The following UNC79 variants were observed in gnomAD, a reference collection of about 807,000 sequenced individuals.
UNC79 encodes the protein unc-79 subunit of NALCN channel complex.
UNC79 carries 37 observed loss-of-function variants against 283.1 expected under a neutral mutation model. The ratio of observed to expected loss-of-function variants is 0.13; its 90% CI spans 0.10 to 0.17. The LOEUF (loss-of-function observed/expected upper bound fraction) is 0.17. UNC79 is among the 10% of genes least tolerant of loss of function. The probability of loss-of-function intolerance (pLI) is 1.00; values close to 1 mark genes in which losing one functional copy is unlikely to be tolerated. For missense variants in UNC79, 2,272 were observed against 3,211.1 expected (o/e 0.71, Z 7.07); for synonymous variants, 1,107 against 1,200.2 (o/e 0.92, Z 1.61).
chr14:93,597,250 T>G (rs1210242309), intron 23 of UNC79, 109 bp from the exon 24 acceptor site: 3 of 1,195,854 alleles, frequency 2.5e-6, no homozygotes, highest in African/African-American at 3.0e-5. Context: ...GACCCAGAGT[T>G]AACTTTTTGT....
In UNC79 at chr14:93,424,956, C is replaced by T. The variant is rs562179287; in HGVS notation, c.-350-42715C>T. The stretch of plus-strand genomic sequence containing the variant: ...CGTATTACACATTGCATGCCTATAT[C>T]AAAACATCTCATCCATAAATATATA... On this transcript the variant is annotated intron_variant, in intron 1 of 49. Transcript: ENST00000256339. 4.6e-5 allele frequency among the ~76,000 whole-genome samples: 7 copies of T among 152,192 alleles called. No individual in the cohort carries two copies. The South Asian group carries it at 1.5e-3, about 32-fold the overall frequency.
chr14:93,663,900 A>G lies in UNC79; in HGVS notation c.6636+1186A>G, dbSNP rs563781785. Among the ~76,000 whole-genome samples, 9 of 151,716 alleles carry G rather than the reference A, an allele frequency of 5.9e-5. No individual in the cohort carries two copies. The East Asian group carries it at 1.5e-3, about 26-fold the overall frequency. On this transcript the variant is annotated intron_variant, in intron 40 of 48. Transcript: ENST00000555664. ...CCTTTTTTGGGGGAAGAATCATAAT[A>G]AGTTTATACTTTCTATGTTGTACAC...
intron 14 of UNC79, among the ~76,000 whole-genome samples, chr14:93,549,501 A>C (rs2061766532): frequency 6.6e-6 from 1 of 152,200 alleles, no homozygotes; most frequent in African/African-American, 2.4e-5. Context: ...GTACACCTGA[A>C]AGCATTTGGG....
At chr14:93,516,801 G>T (rs1386977137) in intron 7 of UNC79, among the ~76,000 whole-genome samples, 1 of 151,856 alleles carries the variant, frequency 6.6e-6, no homozygotes, top group East Asian at 1.9e-4. Context: ...AATTTGGGGA[G>T]AATTGACATC....
Position 93,404,493 on chromosome 14 carries a change from A to AAAAAAATATAT in UNC79, c.-350-63177_-350-63176insAAAAATATATA. Among the ~76,000 whole-genome samples, 59 of 61,488 alleles carry AAAAAAATATAT rather than the reference A, an allele frequency of 9.6e-4. 2 individuals are homozygous for AAAAAAATATAT. The highest frequency in any genetic ancestry group is 2.7e-3 in the African/African-American group (41 of 15,002). 40.3% of individuals were successfully genotyped at this position (61,488 alleles called of 152,430 possible). A position where few individuals can be genotyped will look rare whatever the true frequency, so the allele number is the denominator to read the frequency against. On this transcript the variant is annotated intron_variant, in intron 1 of 49. Transcript: ENST00000256339. Reference sequence around the variant, plus strand: ...TGACAGAGTGAGACCTTCTAAAAAAAATATATATATATATATATATAAATA... The same window carrying AAAAAAATATAT: ...TGACAGAGTGAGACCTTCTAAAAAAAAAAAAATATATATATATATATATATATATATAAATA...
chr14:93,575,749 A>G (rs994218477), intron 17 of UNC79, among the ~76,000 whole-genome samples: 4 of 152,168 alleles, frequency 2.6e-5, no homozygotes, highest in Non-Finnish European at 4.4e-5. Flanking sequence ...TTATTTTTCT[A>G]TGGAGGCCTG....
chr14:93,441,285 T>C (rs1228887656), intron 1 of UNC79, among the ~76,000 whole-genome samples: 4 of 152,086 alleles, frequency 2.6e-5, no homozygotes, highest in African/African-American at 4.8e-5. Context: ...TGATATATCT[T>C]TTGCCATCCT....
intron 19 of UNC79, 74 bp downstream of exon 19, chr14:93,580,450 T>C: frequency 7.1e-7 from 1 of 1,407,330 alleles, no homozygotes; most frequent in Non-Finnish European, 9.7e-7. Flanking sequence ...TAATGGAGTC[T>C]TCCTCCAGCA....
intron 40 of UNC79, among the ~76,000 whole-genome samples, chr14:93,663,653 T>C (rs1046302895): frequency 2.6e-5 from 4 of 152,204 alleles, no homozygotes; most frequent in Non-Finnish European, 2.9e-5. Context: ...TCTTTGTTTT[T>C]CTGATTAGAA....
rs561136548 is a variant in UNC79 at position 93,453,403 on chromosome 14, T to G, written c.23-14268T>G. 7.9e-5 allele frequency among the ~76,000 whole-genome samples: 12 copies of G among 152,348 alleles called. No homozygotes were observed. The South Asian group carries it at 1.9e-3, about 24-fold the overall frequency. On this transcript the variant is annotated intron_variant, in intron 1 of 48. Coordinates refer to ENST00000555664, the Ensembl canonical transcript of UNC79. ...TTTCACCAAATAATTCCTCAGTTCT[T>G]CAAAAACCTATGATTTTTTAAGTAG... is the stretch of plus-strand genomic sequence containing the variant.
At chr14:93,539,304 C>T (rs1031797465) in intron 12 of UNC79, among the ~76,000 whole-genome samples, 6 of 148,278 alleles carry the variant, frequency 4.0e-5, no homozygotes, top group East Asian at 2.1e-4. Flanking sequence ...GGGTGGATCA[C>T]GGGGTCAGGA....
chr14:93,516,444 T>G (rs1054336034), intron 7 of UNC79, among the ~76,000 whole-genome samples: 2 of 48,598 alleles, frequency 4.1e-5, no homozygotes, highest in Non-Finnish European at 9.9e-5. Flanking sequence ...GCTTGGATAT[T>G]TTTTTTGGGG....
At chr14:93,480,530 A>G (rs556806441) in intron 4 of UNC79, among the ~76,000 whole-genome samples, 6 of 152,176 alleles carry the variant, frequency 3.9e-5, no homozygotes, top group Non-Finnish European at 5.9e-5. Flanking sequence ...TGGTTCAATA[A>G]TAGCCAATAT....
intron 40 of UNC79, among the ~76,000 whole-genome samples, chr14:93,664,421 G>T (rs1206115546): frequency 6.6e-6 from 1 of 152,156 alleles, no homozygotes; most frequent in Non-Finnish European, 1.5e-5. Context: ...CATATAAGTA[G>T]CCCTGTGGTG....
intron 1 of UNC79, among the ~76,000 whole-genome samples, chr14:93,445,028 T>A (rs187541726): frequency 6.6e-6 from 1 of 152,310 alleles, no homozygotes; most frequent in Non-Finnish European, 1.5e-5. Flanking sequence ...AGTTGTCACA[T>A]CTTTCATTAA....
chr14:93,372,815 A>G (rs1275913916), intron 1 of UNC79, among the ~76,000 whole-genome samples: 1 of 152,224 alleles, frequency 6.6e-6, no homozygotes, highest in Non-Finnish European at 1.5e-5. Context: ...AATCAACTGG[A>G]TGTAATGGTC....
At chr14:93,539,060 G>A (rs1159963507) in intron 12 of UNC79, among the ~76,000 whole-genome samples, 6 of 150,310 alleles carry the variant, frequency 4.0e-5, no homozygotes, top group Non-Finnish European at 8.9e-5. Context: ...GCACCCCCAC[G>A]CCCGGCTAAT....
intron 14 of UNC79, among the ~76,000 whole-genome samples, chr14:93,563,204 GAGA>G (rs1305691643): frequency 2.0e-5 from 3 of 152,150 alleles, no homozygotes; most frequent in Non-Finnish European, 4.4e-5. Context: ...AGTGACCAAT[GAGA>G]AGGAGAAAAA....
At position 93,667,216 on chromosome 14, in the gene UNC79, G is replaced by T. The variant is rs2072301852; in HGVS notation, c.6636+4502G>T. On this transcript the variant is annotated intron_variant, in intron 40 of 48. Transcript: ENST00000555664. ...AGGGAAGGAAGGAAGGACAAAGGAA[G>T]GAACAAAGGAGGGAGAGAAGGAGGG... Among the ~76,000 whole-genome samples the T allele has an allele frequency of 2.0e-5, 3 of 147,970 alleles. No individual in the cohort carries two copies. In the South Asian group the frequency reaches 6.4e-4, roughly 31 times the overall value.
Sources: gnomAD v4.1 joint callset for allele counts (sites outside exome capture counted in the v4.1 genomes callset) on GRCh38, gnomAD v4.1.1 for gene constraint, MANE v1.5 for transcripts, NCBI Gene and HGNC (gene_info 2026-07-23, HGNC 2026-07-21) for gene names.